Variants in HHLA2 observed in about 807,000 individuals in gnomAD.
HHLA2 encodes the protein HERV-H LTR-associating protein 2.
A neutral mutation model predicts 45.9 loss-of-function variants in HHLA2; 48 were observed. The ratio of observed to expected loss-of-function variants is 1.05; its 90% CI spans 0.83 to 1.33. The LOEUF (loss-of-function observed/expected upper bound fraction) is 1.33. Ranked by LOEUF, HHLA2 falls within the 40% of genes most tolerant of loss-of-function variation. The pLI is 0.00. For missense variants in HHLA2, 462 were observed against 494.3 expected (o/e 0.93, Z 0.62); for synonymous variants, 161 against 173.9 (o/e 0.93, Z 0.59).
chr3:108,372,239 T>G (rs1264204362), intron 8 of HHLA2, among the ~76,000 whole-genome samples: 6 of 152,010 alleles, frequency 3.9e-5, no homozygotes, highest in Non-Finnish European at 5.9e-5. Flanking sequence ...GGGTACATAA[T>G]GAAATGAAGG....
At chr3:108,317,746 T>C (rs1416723751) in intron 2 of HHLA2, among the ~76,000 whole-genome samples, 1 of 151,196 alleles carries the variant, frequency 6.6e-6, no homozygotes, top group African/African-American at 2.4e-5. Context: ...GGCTAATTTT[T>C]GTATTTTTAG....
At chr3:108,345,476 T>C (rs531291241) in intron 3 of HHLA2, among the ~76,000 whole-genome samples, 10 of 152,238 alleles carry the variant, frequency 6.6e-5, no homozygotes, top group Non-Finnish European at 1.5e-4. Context: ...AATAACTACT[T>C]TTATTGGACC....
At chr3:108,306,990 G>A (rs2080941034) in intron 1 of HHLA2, among the ~76,000 whole-genome samples, 1 of 152,000 alleles carries the variant, frequency 6.6e-6, no homozygotes, top group African/African-American at 2.4e-5. Flanking sequence ...CAAGTATCTG[G>A]GATTACAGGC....
At chr3:108,365,999 C>G (rs554483653) in intron 8 of HHLA2, among the ~76,000 whole-genome samples, 1 of 152,288 alleles carries the variant, frequency 6.6e-6, no homozygotes, top group Admixed American at 6.5e-5. Context: ...ATTGCCCTGG[C>G]CAAAACTTCC....
chr3:108,374,705 T>C lies in HHLA2; in HGVS notation c.1109-1045T>C, dbSNP rs1289029384. The stretch of plus-strand genomic sequence containing the variant: ...GACACTTCTCAAAAGAAGACATTTA[T>C]GCAGCCAAAAAACACATGAAAAAAT... On this transcript the variant is annotated intron_variant, in intron 8 of 10. Coordinates refer to ENST00000619531, the Ensembl canonical transcript of HHLA2. Among the ~76,000 whole-genome samples the C allele has an allele frequency of 3.1e-3, 460 of 148,402 alleles. 3 individuals are homozygous for C. The highest frequency in any genetic ancestry group is 0.011 in the African/African-American group (443 of 40,456).
chr3:108,372,230 G>T (rs2082189897), intron 8 of HHLA2, among the ~76,000 whole-genome samples: 1 of 152,066 alleles, frequency 6.6e-6, no homozygotes, highest in Non-Finnish European at 1.5e-5. Flanking sequence ...ATGACGACTG[G>T]GTACATAATG....
chr3:108,375,761 G>C, exon 9 of HHLA2: 2 of 1,611,016 alleles, frequency 1.2e-6, no homozygotes, highest in Non-Finnish European at 1.7e-6. Flanking sequence ...CCAGCTAGAA[G>C]CCAGGAGGAG....
chr3:108,372,640 G>C (rs2107513287), intron 8 of HHLA2, among the ~76,000 whole-genome samples: 1 of 152,248 alleles, frequency 6.6e-6, no homozygotes, highest in Non-Finnish European at 1.5e-5. Context: ...AAATGATAAA[G>C]GGGATATCAC....
chr3:108,323,652 A>G (rs1321924123), intron 2 of HHLA2, among the ~76,000 whole-genome samples: 2 of 152,134 alleles, frequency 1.3e-5, no homozygotes, highest in Non-Finnish European at 2.9e-5. Flanking sequence ...TATTCATATT[A>G]TTGGATTCTG....
Position 108,351,881 on chromosome 3 carries a change from A to G in HHLA2, c.64+4A>G. On this transcript the variant is annotated splice_donor_region_variant and intron_variant, in intron 4 of 10. Coordinates refer to ENST00000619531, the Ensembl canonical transcript of HHLA2. ...ACATCTCTGAGTGGATCTCAAGGTA[A>G]TTTCGTTTGTAATACAAGTGTTAGT... The G allele has an allele frequency of 6.3e-7, 1 of 1,597,438 alleles. No individual in the cohort carries two copies. The highest frequency in any genetic ancestry group is 8.6e-7 in the Non-Finnish European group (1 of 1,165,714).
At chr3:108,350,016 GT>G (rs200145286) in intron 3 of HHLA2, among the ~76,000 whole-genome samples, 3 of 151,974 alleles carry the variant, frequency 2.0e-5, no homozygotes, top group East Asian at 1.9e-4. Context: ...AAATTTCAAG[GT>G]TTTTTTTAAT....
chr3:108,304,851 C>A (rs960080940), intron 1 of HHLA2, among the ~76,000 whole-genome samples: 14 of 152,154 alleles, frequency 9.2e-5, no homozygotes, highest in African/African-American at 3.1e-4. Flanking sequence ...CTTAACCCTG[C>A]CTGCAGCTGT....
At chr3:108,362,006 C>T (rs1463096948) in intron 7 of HHLA2, among the ~76,000 whole-genome samples, 1 of 151,878 alleles carries the variant, frequency 6.6e-6, no homozygotes, top group Non-Finnish European at 1.5e-5. Flanking sequence ...AGATGTATTA[C>T]CTCTCCAGTT....
In HHLA2 at chr3:108,304,736, C is replaced by T. The variant is rs541290043; in HGVS notation, c.-191-5919C>T. On this transcript the variant is annotated intron_variant, in intron 1 of 10. Coordinates refer to ENST00000619531, the Ensembl canonical transcript of HHLA2. Reference sequence around the variant, plus strand: ...CCTACTAATGGTCTGTTCTGCAGATCGCTAATCTCTCTAGATCTGGTAAAT... The same window carrying T: ...CCTACTAATGGTCTGTTCTGCAGATTGCTAATCTCTCTAGATCTGGTAAAT... Among the ~76,000 whole-genome samples the T allele has an allele frequency of 1.8e-3, 276 of 152,268 alleles. 3 individuals carry two copies. The highest frequency in any genetic ancestry group is 2.1e-3 in the Non-Finnish European group (146 of 68,010).
At chr3:108,301,301 C>T (rs1287195846) in intron 1 of HHLA2, among the ~76,000 whole-genome samples, 1 of 151,974 alleles carries the variant, frequency 6.6e-6, no homozygotes. Flanking sequence ...AGCTTTTTAC[C>T]TCTTCTTTTT....
chr3:108,362,372 A>C, exon 8 of HHLA2: 2 of 1,612,842 alleles, frequency 1.2e-6, no homozygotes, highest in Non-Finnish European at 1.7e-6. Context: ...TCCCATAACA[A>C]AGGCTTATGG....
intron 3 of HHLA2, among the ~76,000 whole-genome samples, chr3:108,343,966 T>C (rs781352971): frequency 2.2e-4 from 33 of 152,180 alleles, no homozygotes; most frequent in Non-Finnish European, 3.1e-4. Context: ...AGATTATGTG[T>C]GTTGAGAGTT....
chr3:108,319,522 T>TAC (rs913621036), intron 2 of HHLA2, among the ~76,000 whole-genome samples: 2 of 152,090 alleles, frequency 1.3e-5, no homozygotes, highest in East Asian at 1.9e-4. Context: ...CCCAAAATAA[T>TAC]ACACACACAC....
chr3:108,341,028 C>T (rs912524239), intron 3 of HHLA2, among the ~76,000 whole-genome samples: 2 of 150,706 alleles, frequency 1.3e-5, no homozygotes, highest in African/African-American at 4.9e-5. Context: ...TCTTGGCTCA[C>T]TGCAACCTCC....
Sources: allele counts gnomAD v4.1 joint callset (sites outside exome capture counted in the v4.1 genomes callset), GRCh38; gene constraint gnomAD v4.1.1; transcripts MANE v1.5; gene names NCBI Gene and HGNC (gene_info 2026-07-23, HGNC 2026-07-21).